The following PLCH2 variants were observed in gnomAD, a reference collection of about 807,000 sequenced individuals.
PLCH2 encodes the protein 1-phosphatidylinositol 4,5-bisphosphate phosphodiesterase eta-2.
PLCH2 carries 98 observed loss-of-function variants against 134.7 expected under a neutral mutation model. That is an observed-to-expected ratio of 0.73 (90% CI 0.62 to 0.86). The LOEUF is 0.86. Among genes scored for constraint, PLCH2 ranks in the 40% least tolerant of loss-of-function variants. The pLI is 0.00. For missense variants in PLCH2, 1,994 were observed against 1,986.6 expected (o/e 1.00, Z -0.07); for synonymous variants, 974 against 827.5 (o/e 1.18, Z -3.04).
chr1:2,499,660 A>G lies in PLCH2; in HGVS notation c.2601A>G (p.Leu867=), dbSNP rs145549953. Residue 867 remains leucine (L), a synonymous_variant, in exon 20 of 22, where the codon CTA becomes CTG. Transcript: ENST00000378486. ...CTCCAGGCTACAGACACGTGTACCT[A>G]GAAGGGATGGAAGAGGCCTCCATCT... ...SMMPGYRHVY[L]EGMEEASIFV... The G allele has an allele frequency of 7.3e-3, 11,734 of 1,602,028 alleles. 53 individuals are homozygous for G. Among genetic ancestry groups the G allele is most frequent in the African/African-American group, 0.024 (1,818 of 74,758 alleles).
At chr1:2,427,573 T>C (rs1638858862) in intron 1 of PLCH2, among the ~76,000 whole-genome samples, 1 of 152,182 alleles carries the variant, frequency 6.6e-6, no homozygotes, top group Non-Finnish European at 1.5e-5. Context: ...GGGGGCTTCC[T>C]GAGCCAGGGG....
At chr1:2,489,143 G>A (rs909211963) in intron 8 of PLCH2, 64 bp from the exon 9 acceptor site, 25 of 1,445,092 alleles carry the variant, frequency 1.7e-5, no homozygotes, top group Non-Finnish European at 2.4e-5. Flanking sequence ...ATCTTGCAGA[G>A]GTGGGGCTTA....
In PLCH2 at chr1:2,495,588, C is replaced by T. The variant is rs374793699; in HGVS notation, c.1835+18C>T. 2.2e-4 allele frequency: 330 copies of T among 1,521,414 alleles called. 2 individuals carry two copies. Among genetic ancestry groups the T allele is most frequent in the Non-Finnish European group, 2.7e-4 (302 of 1,126,434 alleles). The allele number at this position is 1,521,414 out of a possible 1,614,324, so 94.2% of individuals were successfully genotyped here. ...AGCCGAGGGTAGGTGCCCTGCCCCA[C>T]GGGGAGGCCCCGCACACTCCTGGGA... is the stretch of plus-strand genomic sequence containing the variant. On this transcript the variant is annotated intron_variant, in intron 13 of 21. Transcript: ENST00000378486.
In PLCH2 at chr1:2,459,649, CCGG is replaced by C. The variant is rs1490572308; in HGVS notation, c.116-18826_116-18824del. Among the ~76,000 whole-genome samples, 5 of 50,536 alleles carry C rather than the reference CCGG, an allele frequency of 9.9e-5. 1 individual carries two copies. The highest frequency in any genetic ancestry group is 4.5e-4 in the East Asian group (1 of 2,198). 33.2% of individuals were successfully genotyped at this position (50,536 alleles called of 152,430 possible). A position where few individuals can be genotyped will look rare whatever the true frequency, so the allele number is the denominator to read the frequency against. On this transcript the variant is annotated intron_variant, in intron 2 of 3. Transcript: ENST00000609981. ...TCCTCCTTGCCTGTGGTCTTCCTTT[CCGG>C]TGGTCCTCCTTGCCTGTGGTCTTCC...
chr1:2,466,324 A>G (rs1641054537), upstream of PLCH2, among the ~76,000 whole-genome samples: 1 of 152,204 alleles, frequency 6.6e-6, no homozygotes, highest in Non-Finnish European at 1.5e-5. Flanking sequence ...GCAGGTCCCA[A>G]GAGCCCAGGG....
Position 2,448,528 on chromosome 1 carries a change from C to A in PLCH2, c.115+17899C>A, listed in dbSNP as rs1640047488. On this transcript the variant is annotated intron_variant, in intron 2 of 3. Transcript: ENST00000609981. This position sits in a 1 kb window ranked among gnomAD's most constrained non-coding sequence, Gnocchi z 4.0. ...TCCTCGGCGCAGGCCTTTCACTGAG[C>A]ACGCCCTCAGAGACCCTTTTTCCAA... is the stretch of plus-strand genomic sequence containing the variant. 6.6e-6 allele frequency among the ~76,000 whole-genome samples: 1 copy of A among 152,190 alleles called. No homozygotes were observed. Among genetic ancestry groups the A allele is most frequent in the South Asian group, 2.1e-4 (1 of 4,828 alleles).
intron 1 of PLCH2, among the ~76,000 whole-genome samples, chr1:2,428,507 C>T (rs560332939): frequency 1.6e-4 from 25 of 152,378 alleles, no homozygotes; most frequent in African/African-American, 3.8e-4. Flanking sequence ...CGCCCGGTGC[C>T]GTGCTGTGGG....
At chr1:2,489,420 T>C in intron 9 of PLCH2, 42 bp downstream of exon 9, 4 of 1,600,094 alleles carry the variant, frequency 2.5e-6, no homozygotes, top group South Asian at 1.1e-5. Context: ...TCACACAGAG[T>C]CTCGGGCCTG....
chr1:2,431,178 C>T (rs182269005), intron 2 of PLCH2, among the ~76,000 whole-genome samples: 7 of 151,634 alleles, frequency 4.6e-5, no homozygotes, highest in Admixed American at 2.6e-4. Flanking sequence ...CGCTATCTGC[C>T]GCTTCTGCTC....
In PLCH2 at chr1:2,498,512, C is replaced by T. The variant is rs756523224; in HGVS notation, c.2225-11C>T. Reference sequence around the variant, plus strand: ...GCTGGGCCACTGACCACCTCCCCGGCATCCCCTCAGGCGTGTTCAACCCCA... The same window carrying T: ...GCTGGGCCACTGACCACCTCCCCGGTATCCCCTCAGGCGTGTTCAACCCCA... On this transcript the variant is annotated splice_polypyrimidine_tract_variant and intron_variant, in intron 16 of 21. Coordinates refer to ENST00000378486, the MANE Select transcript of PLCH2 (RefSeq NM_014638.4). The surrounding 1 kb of genome is among the most constrained non-coding windows in gnomAD (Gnocchi z 5.4). 6.2e-7 allele frequency: 1 copy of T among 1,602,926 alleles called. No individual in the cohort carries two copies. The highest frequency in any genetic ancestry group is 8.5e-7 in the Non-Finnish European group (1 of 1,175,380).
intron 20 of PLCH2, chr1:2,499,970 C>T (rs1643126109): frequency 3.4e-6 from 2 of 586,058 alleles, no homozygotes; most frequent in Non-Finnish European, 6.1e-6. Flanking sequence ...CCTGAGTGCT[C>T]CGGGCCTTGC....
chr1:2,481,952 CAG>C (rs1298614834), intron 4 of PLCH2, among the ~76,000 whole-genome samples: 2 of 152,268 alleles, frequency 1.3e-5, no homozygotes, highest in African/African-American at 4.8e-5. Context: ...ACGGCCTAAT[CAG>C]AGAGAACTGC....
chr1:2,502,591 C>G (rs1643295278), intron 21 of PLCH2, 182 bp downstream of exon 21: 1 of 732,310 alleles, frequency 1.4e-6, no homozygotes, highest in Non-Finnish European at 2.4e-6. Context: ...GGCCTGCAAG[C>G]AGGCAGGCAG....
At chr1:2,477,354 C>T (rs895920344) in intron 1 of PLCH2, among the ~76,000 whole-genome samples, 2 of 152,156 alleles carry the variant, frequency 1.3e-5, no homozygotes, top group Non-Finnish European at 2.9e-5. Flanking sequence ...GAGCCCAGCC[C>T]CCCATGCCAT....
At chr1:2,420,954 CT>C in the PLCH2 span, among the ~76,000 whole-genome samples, 2,512 of 139,424 alleles carry the variant, frequency 0.018, 81 homozygotes, top group Admixed American at 0.079. Context: ...TCCCTTCACA[CT>C]TTTTTTTTTT....
rs536073433 is a variant in PLCH2, at chr1:2,494,871, G to A, written c.1675G>A (p.Asp559Asn). 3.5e-5 allele frequency: 57 copies of A among 1,606,218 alleles called. No individual in the cohort carries two copies. The East Asian group carries it at 1.0e-3, about 28-fold the overall frequency. Reference protein sequence around the residue: ...KLGRKSKAEEDVESGEDAGAS... With the variant: ...KLGRKSKAEENVESGEDAGAS... ...CTGGACTCAGAGCAAGGCTGAAGAG[G>A]ACGTGGAGTCTGGGGAGGATGCCGG... Residue 559 changes from aspartate (D) to asparagine (N), a missense_variant, in exon 12 of 22, where the codon GAC (aspartate) becomes AAC (asparagine). Transcript: ENST00000378486.
chr1:2,453,027 C>T (rs1026288834), intron 2 of PLCH2, among the ~76,000 whole-genome samples: 4 of 152,154 alleles, frequency 2.6e-5, no homozygotes, highest in Non-Finnish European at 5.9e-5. Flanking sequence ...TGGCTCACCC[C>T]GCCCTTCCCC....
rs148825207 is a variant in PLCH2 at position 2,503,002 on chromosome 1, GCCT to G, written c.2959+595_2959+597del. 1,309 of 715,854 alleles carry G rather than the reference GCCT, an allele frequency of 1.8e-3. 11 individuals are homozygous for G. In the African/African-American group the frequency reaches 0.02, roughly 11 times the overall value. The allele number at this position is 715,854 out of a possible 1,614,324, so 44.3% of individuals were successfully genotyped here. A position where few individuals can be genotyped will look rare whatever the true frequency, so the allele number is the denominator to read the frequency against. ...CTGCTGCTTCTGCGTGGACGGTGTCGCCTCGTGTGCTCGTGCTCGTGGCTCTGT... is the reference window on the plus strand; with the variant it reads ...CTGCTGCTTCTGCGTGGACGGTGTCGCGTGTGCTCGTGCTCGTGGCTCTGT... On this transcript the variant is annotated intron_variant, in intron 21 of 21. Coordinates refer to ENST00000378486, the MANE Select transcript of PLCH2 (RefSeq NM_014638.4).
At chr1:2,428,449 G>A (rs970296841) in intron 1 of PLCH2, among the ~76,000 whole-genome samples, 1 of 152,242 alleles carries the variant, frequency 6.6e-6, no homozygotes, top group African/African-American at 2.4e-5. Context: ...AGGACTGGGT[G>A]GGCAAGCGTG....
Sources: allele counts gnomAD v4.1 joint callset (sites outside exome capture counted in the v4.1 genomes callset), GRCh38; gene constraint gnomAD v4.1.1; non-coding constraint Gnocchi (gnomAD v3.1); transcripts MANE v1.5; gene names NCBI Gene and HGNC (gene_info 2026-07-23, HGNC 2026-07-21).